Variants in XPO5 observed in about 807,000 individuals in gnomAD.
XPO5 encodes the protein exportin 5.
XPO5 carries 46 observed loss-of-function variants against 160.6 expected under a neutral mutation model. That is an observed-to-expected ratio of 0.29 (90% CI 0.23 to 0.37). The LOEUF is 0.37. Among genes scored for constraint, XPO5 ranks in the 10% least tolerant of loss-of-function variants. The probability of loss-of-function intolerance (pLI) is 1.00; values close to 1 mark genes in which losing one functional copy is unlikely to be tolerated. For missense variants in XPO5, 1,090 were observed against 1,463.9 expected (o/e 0.74, Z 4.17); for synonymous variants, 537 against 519.3 (o/e 1.03, Z -0.46).
chr6:43,522,764 G>A lies in XPO5; in HGVS notation c.*1104C>T, dbSNP rs112303174. On this transcript the variant is annotated 3_prime_UTR_variant, in exon 32 of 32. Coordinates refer to ENST00000265351, the MANE Select transcript of XPO5 (RefSeq NM_020750.3). ...AGGTCTGTTTTTGTGCAGAGCACAT[G>A]GACACACTGGTTTCTGTATGGATTA... The A allele has an allele frequency of 0.011, 5,302 of 475,848 alleles. 193 individuals are homozygous for A. The highest frequency in any genetic ancestry group is 0.086 in the African/African-American group (4,363 of 50,926). 29.5% of individuals were successfully genotyped at this position (475,848 alleles called of 1,614,324 possible). A position where few individuals can be genotyped will look rare whatever the true frequency, so the allele number is the denominator to read the frequency against.
In XPO5 at chr6:43,526,701, G is replaced by C; in HGVS notation, c.2967C>G (p.Pro989=). ...CTCACTTACCGTCTCCATCTGCTGG[G>C]GGAGCACTACTGTGGTCAGCACCCT... The part of the protein sequence containing the change: ...SKKGADHSSA[P]PADGDDEEMM... The change falls in exon 27 of 32, where the codon CCC becomes CCG. Residue 989 remains proline (P), a synonymous_variant. Transcript: ENST00000265351. 6.2e-7 allele frequency: 1 copy of C among 1,613,924 alleles called. No homozygotes were observed. The highest frequency in any genetic ancestry group is 2.2e-5 in the East Asian group (1 of 44,884).
At position 43,527,744 on chromosome 6, in the gene XPO5, AG is replaced by A. The variant is rs1488537590; in HGVS notation, c.2823-14del. 6.2e-7 allele frequency: 1 copy of A among 1,610,136 alleles called. No individual in the cohort carries two copies. Among genetic ancestry groups the A allele is most frequent in the African/African-American group, 1.3e-5 (1 of 74,760 alleles). On this transcript the variant is annotated splice_polypyrimidine_tract_variant and intron_variant, in intron 25 of 31. Coordinates refer to ENST00000265351, the MANE Select transcript of XPO5 (RefSeq NM_020750.3). ...CTCATCTTCTCCACTGCAGAAAACC[AG>A]GGGGCCAAGTTCCACAGGAGTGCAG...
rs1411192909 is a variant in XPO5 at position 43,526,104 on chromosome 6, G to A, written c.2984-183C>T. The A allele has an allele frequency of 6.7e-6, 4 of 601,450 alleles. No homozygotes were observed. In the African/African-American group the frequency reaches 7.4e-5, roughly 11 times the overall value. 37.3% of individuals were successfully genotyped at this position (601,450 alleles called of 1,614,324 possible). On this transcript the variant is annotated intron_variant, in intron 27 of 31. Transcript: ENST00000265351. ...TGCCCATGGCTGATCTTCTAGAGAT[G>A]CACTCAAGCTGTACATGAGGGAAAT... is the stretch of plus-strand genomic sequence containing the variant.
At chr6:43,539,115 G>A in intron 20 of XPO5, 1 of 1,241,024 alleles carries the variant, frequency 8.1e-7, no homozygotes, top group Admixed American at 1.9e-5. Context: ...CTGGGTGCAG[G>A]GATGAGGCGC....
chr6:43,548,545 A>G, intron 17 of XPO5, 85 bp from the exon 18 acceptor site: 1 of 1,251,548 alleles, frequency 8.0e-7, no homozygotes, highest in East Asian at 2.7e-5. Flanking sequence ...GAAAGAAGAA[A>G]ACCAAAGCAG....
chr6:43,560,857 C>T (rs943620300), intron 10 of XPO5, 67 bp downstream of exon 10: 5 of 1,259,456 alleles, frequency 4.0e-6, no homozygotes, highest in Non-Finnish European at 5.8e-6. Context: ...AATAATATTT[C>T]AGGACACAGT....
intron 20 of XPO5, among the ~76,000 whole-genome samples, chr6:43,540,872 T>C (rs2127720518): frequency 6.6e-6 from 1 of 151,986 alleles, no homozygotes; most frequent in African/African-American, 2.4e-5. Context: ...AATTGAGGCA[T>C]AATTCACATA....
chr6:43,551,938 A>G (rs759383428), intron 14 of XPO5, among the ~76,000 whole-genome samples: 2 of 152,104 alleles, frequency 1.3e-5, no homozygotes, highest in East Asian at 3.9e-4. Flanking sequence ...AAGTGTTGGG[A>G]TTACAAGTGT....
At position 43,565,719 on chromosome 6, in the gene XPO5, C is replaced by G. The variant is rs773378839; in HGVS notation, c.852G>C (p.Arg284=). The change falls in exon 8 of 32, where the codon CGG becomes CGC. Residue 284 remains arginine, a synonymous_variant. Coordinates refer to ENST00000265351, the MANE Select transcript of XPO5 (RefSeq NM_020750.3). The part of the protein sequence containing the change: ...AVSRKGKLED[R]KPLMVLFGDV... ...CTCCAAATAAGACCATCAAGGGCTT[C>G]CGGTCTTCCAACTTGCCCTAGACCC... is the stretch of plus-strand genomic sequence containing the variant. 6.2e-6 allele frequency: 10 copies of G among 1,609,128 alleles called. No individual in the cohort carries two copies. In the East Asian group the frequency reaches 2.0e-4, roughly 32 times the overall value.
rs756621636 is a variant in XPO5 at position 43,525,932 on chromosome 6, A to G, written c.2984-11T>C. Reference sequence around the variant, plus strand: ...CCATCATTTCTTCATCTGTTATCAGAGAGTAGAATGTTAAGCTCCATCCTT... The same window carrying G: ...CCATCATTTCTTCATCTGTTATCAGGGAGTAGAATGTTAAGCTCCATCCTT... On this transcript the variant is annotated splice_polypyrimidine_tract_variant and intron_variant, in intron 27 of 31. Coordinates refer to ENST00000265351, the MANE Select transcript of XPO5 (RefSeq NM_020750.3). 1 of 1,613,744 alleles carries G rather than the reference A, an allele frequency of 6.2e-7. No homozygotes were observed. The highest frequency in any genetic ancestry group is 8.5e-7 in the Non-Finnish European group (1 of 1,179,762).
chr6:43,553,526 TACACACACACAC>T (rs111634867), intron 13 of XPO5, 23 bp from the exon 14 acceptor site: 68 of 1,448,026 alleles, frequency 4.7e-5, no homozygotes, highest in Non-Finnish European at 6.0e-5. Flanking sequence ...CACACACACA[TACACACACACAC>T]ACACACACAC....
In XPO5 at chr6:43,527,709, C is replaced by G; in HGVS notation, c.2845G>C (p.Glu949Gln). The change falls in exon 26 of 32, where the codon GAA (glutamate) becomes CAA (glutamine). Residue 949 changes from glutamate to glutamine, a missense_variant. By Grantham distance (29) the Glu-to-Gln change is conservative. This residue lies in a region of XPO5 where 810 missense variants were observed against 1,139.0 expected (regional missense o/e 0.71). Transcript: ENST00000265351. ...LLCGEDEAAD[E>Q]NPESQEMLEE... ...AGCATCTCTTGAGACTCTGGGTTTT[C>G]ATCTGCAGCCTCATCTTCTCCACTG... 6.2e-7 allele frequency: 1 copy of G among 1,614,024 alleles called. No homozygotes were observed. Among genetic ancestry groups the G allele is most frequent in the Non-Finnish European group, 8.5e-7 (1 of 1,179,898 alleles).
chr6:43,572,586 C>T lies in XPO5; in HGVS notation c.228-8G>A, dbSNP rs1407469982. On this transcript the variant is annotated splice_region_variant and splice_polypyrimidine_tract_variant and intron_variant, in intron 2 of 31. Transcript: ENST00000265351. ...ATGCCGTTCCACCGAAACCTGACCACCAAAATGCATAAAGTCAATAGAACC... is the reference window on the plus strand; with the variant it reads ...ATGCCGTTCCACCGAAACCTGACCATCAAAATGCATAAAGTCAATAGAACC... 1 of 1,613,718 alleles carries T rather than the reference C, an allele frequency of 6.2e-7. No homozygotes were observed. Among genetic ancestry groups the T allele is most frequent in the African/African-American group, 1.3e-5 (1 of 74,890 alleles).
chr6:43,557,841 A>G (rs906605529), intron 12 of XPO5, among the ~76,000 whole-genome samples: 3 of 151,102 alleles, frequency 2.0e-5, no homozygotes, highest in African/African-American at 7.3e-5. Flanking sequence ...GCACCTGTAA[A>G]TCCCAGCACT....
intron 12 of XPO5, among the ~76,000 whole-genome samples, chr6:43,558,247 A>C (rs1048720074): frequency 2.0e-5 from 3 of 152,180 alleles, no homozygotes; most frequent in Admixed American, 6.5e-5. Flanking sequence ...AAAAGTCAAG[A>C]GCGTCTTAAG....
chr6:43,526,843 G>A lies in XPO5; in HGVS notation c.2921-96C>T, dbSNP rs533378835. The A allele has an allele frequency of 3.8e-6, 5 of 1,316,084 alleles. No individual in the cohort carries two copies. The Admixed American group carries it at 9.8e-5, about 26-fold the overall frequency. The allele number at this position is 1,316,084 out of a possible 1,614,324, so 81.5% of individuals were successfully genotyped here. On this transcript the variant is annotated intron_variant, in intron 26 of 31. Coordinates refer to ENST00000265351, the MANE Select transcript of XPO5 (RefSeq NM_020750.3). ...CTGATCCCAACCTGTCTCTGGCCAG[G>A]TGAGGAAGGAGGAAGATGGGGGTAC...
intron 12 of XPO5, among the ~76,000 whole-genome samples, chr6:43,557,282 T>C (rs1161022622): frequency 1.3e-5 from 2 of 151,556 alleles, no homozygotes; most frequent in African/African-American, 4.9e-5. Flanking sequence ...AAAAATTGGC[T>C]GGGTATGATG....
intron 1 of XPO5, 123 bp from the exon 2 acceptor site, chr6:43,573,724 G>C (rs1354728508): frequency 1.6e-6 from 2 of 1,233,192 alleles, no homozygotes; most frequent in Non-Finnish European, 2.1e-6. Context: ...CAGCACTCTG[G>C]GAGGCTGAGA....
chr6:43,560,792 T>C, intron 10 of XPO5, 132 bp downstream of exon 10: 1 of 747,764 alleles, frequency 1.3e-6, no homozygotes, highest in Non-Finnish European at 2.3e-6. Flanking sequence ...CTTAATGAAA[T>C]GACACTACGG....
Sources: gnomAD v4.1 joint callset for allele counts (sites outside exome capture counted in the v4.1 genomes callset) on GRCh38, gnomAD v4.1.1 for gene constraint, gnomAD v4.1.1 regional missense constraint, MANE v1.5 for transcripts, NCBI Gene and HGNC (gene_info 2026-07-23, HGNC 2026-07-21) for gene names.